Variants in STX8 observed in about 807,000 individuals in gnomAD.
The protein encoded by STX8 is syntaxin 8.
STX8 carries 23 observed loss-of-function variants against 37.5 expected under a neutral mutation model. That is an observed-to-expected ratio of 0.61 (90% CI 0.44 to 0.87). STX8 has a LOEUF of 0.87. Among genes scored for constraint, STX8 ranks in the 40% least tolerant of loss-of-function variants. The probability of loss-of-function intolerance (pLI) is 0.00; values close to 1 mark genes in which losing one functional copy is unlikely to be tolerated. For synonymous variants in STX8, 115 were observed against 99.1 expected (o/e 1.16, Z -0.95); for missense variants, 313 against 284.7 (o/e 1.10, Z -0.71).
chr17:9,525,311 T>TC (rs1246597755), intron 4 of STX8, among the ~76,000 whole-genome samples: 1 of 151,112 alleles, frequency 6.6e-6, no homozygotes, highest in African/African-American at 2.4e-5. Flanking sequence ...CTTCTCAGCC[T>TC]CCCCCCACTG....
At chr17:9,316,204 A>G (rs1396879392) in intron 7 of STX8, among the ~76,000 whole-genome samples, 17 of 152,034 alleles carry the variant, frequency 1.1e-4, no homozygotes, top group Admixed American at 1.1e-3. Context: ...TGATACTGTA[A>G]TTTATAATGA....
intron 7 of STX8, among the ~76,000 whole-genome samples, chr17:9,322,734 C>T (rs1447170169): frequency 6.9e-6 from 1 of 144,846 alleles, no homozygotes; most frequent in Non-Finnish European, 1.5e-5. Context: ...TTTAAGAGGG[C>T]AGGGATGGCT....
intron 7 of STX8, among the ~76,000 whole-genome samples, chr17:9,340,425 T>C (rs1171052909): frequency 6.6e-6 from 1 of 152,248 alleles, no homozygotes; most frequent in African/African-American, 2.4e-5. Flanking sequence ...CATCTGGCTA[T>C]GTTAAGTAAC....
At chr17:9,270,565 T>C (rs1021638918) in intron 7 of STX8, among the ~76,000 whole-genome samples, 4 of 152,190 alleles carry the variant, frequency 2.6e-5, no homozygotes, top group Non-Finnish European at 4.4e-5. Flanking sequence ...CAAAGGACTT[T>C]CTTACTTGAT....
intron 6 of STX8, among the ~76,000 whole-genome samples, chr17:9,382,353 T>TA (rs1911853592): frequency 6.6e-6 from 1 of 152,218 alleles, no homozygotes; most frequent in Non-Finnish European, 1.5e-5. Context: ...CATGCTTAAA[T>TA]TCAACTATAT....
At chr17:9,465,203 T>C (rs1304400971) in intron 6 of STX8, among the ~76,000 whole-genome samples, 1 of 152,318 alleles carries the variant, frequency 6.6e-6, no homozygotes, top group East Asian at 1.9e-4. Flanking sequence ...TGCTTTTTTT[T>C]TTTAACTGAG....
chr17:9,347,281 C>A (rs1317913322), intron 7 of STX8, among the ~76,000 whole-genome samples: 1 of 152,176 alleles, frequency 6.6e-6, no homozygotes, highest in Non-Finnish European at 1.5e-5. Context: ...CCAGGAAGCC[C>A]TCAGCCTTCC....
chr17:9,434,691 G>A (rs146892291), intron 6 of STX8, among the ~76,000 whole-genome samples: 2 of 152,360 alleles, frequency 1.3e-5, no homozygotes, highest in African/African-American at 4.8e-5. Flanking sequence ...AGCCAGAGGT[G>A]AGCGGCAGTG....
intron 7 of STX8, among the ~76,000 whole-genome samples, chr17:9,368,835 G>C (rs1393082323): frequency 6.6e-6 from 1 of 152,006 alleles, no homozygotes; most frequent in Admixed American, 6.6e-5. Context: ...GGCTGACTCA[G>C]ACCCGTCTGT....
chr17:9,342,346 T>C (rs1737609084), intron 7 of STX8, among the ~76,000 whole-genome samples: 1 of 152,114 alleles, frequency 6.6e-6, no homozygotes, highest in Admixed American at 6.5e-5. Context: ...GTTGGAGCTC[T>C]CCAAGGTTTA....
At chr17:9,464,075 A>T (rs1320763883) in intron 6 of STX8, among the ~76,000 whole-genome samples, 1 of 152,216 alleles carries the variant, frequency 6.6e-6, no homozygotes, top group Non-Finnish European at 1.5e-5. Flanking sequence ...ACTGTCTCAA[A>T]AACAAAAACA....
chr17:9,475,160 C>T (rs974285112), intron 6 of STX8, among the ~76,000 whole-genome samples: 3 of 152,126 alleles, frequency 2.0e-5, no homozygotes, highest in Non-Finnish European at 4.4e-5. Context: ...AATGAAATGG[C>T]AGTCAAGCTA....
chr17:9,430,196 TTATA>T (rs1913906224), intron 6 of STX8, among the ~76,000 whole-genome samples: 1 of 123,448 alleles, frequency 8.1e-6, no homozygotes, highest in Non-Finnish European at 1.6e-5. Flanking sequence ...AAAATATAAA[TTATA>T]TATAATTTAT....
At chr17:9,561,664 CAAAAAAAAA>C (rs11353116) in intron 2 of STX8, among the ~76,000 whole-genome samples, 2 of 66,672 alleles carry the variant, frequency 3.0e-5, no homozygotes, top group Admixed American at 4.7e-4. Flanking sequence ...TCCATCTGGC[CAAAAAAAAA>C]AAAAAAAAAA....
intron 7 of STX8, among the ~76,000 whole-genome samples, chr17:9,285,068 T>C (rs183876146): frequency 6.6e-6 from 1 of 152,156 alleles, no homozygotes; most frequent in Non-Finnish European, 1.5e-5. Context: ...GATTCAGCGG[T>C]TCCGGGAGAG....
At chr17:9,399,993 G>A (rs374840969) in intron 6 of STX8, among the ~76,000 whole-genome samples, 188 of 152,058 alleles carry the variant, frequency 1.2e-3, no homozygotes, top group African/African-American at 4.2e-3. Context: ...AGCTTATTAG[G>A]CCAAATTTAT....
chr17:9,518,873 A>AG (rs1284057377), intron 4 of STX8, among the ~76,000 whole-genome samples: 2 of 151,872 alleles, frequency 1.3e-5, no homozygotes, highest in African/African-American at 4.8e-5. Context: ...CGTCTCAAAA[A>AG]AAAAAAAAAA....
intron 6 of STX8, among the ~76,000 whole-genome samples, chr17:9,447,325 C>T (rs991372763): frequency 3.3e-5 from 5 of 152,174 alleles, no homozygotes; most frequent in Admixed American, 6.5e-5. Context: ...GTGCACAATA[C>T]GTTAGAATGG....
intron 7 of STX8, among the ~76,000 whole-genome samples, chr17:9,332,903 G>A (rs1231250736): frequency 6.6e-6 from 1 of 152,088 alleles, no homozygotes; most frequent in East Asian, 1.9e-4. Flanking sequence ...TGATATTTTT[G>A]GCTACCTTTG....
Sources: allele counts gnomAD v4.1 joint callset (sites outside exome capture counted in the v4.1 genomes callset), GRCh38; gene constraint gnomAD v4.1.1; transcripts MANE v1.5; gene names NCBI Gene and HGNC (gene_info 2026-07-23, HGNC 2026-07-21).